SOCS5: variants seen among roughly 807,000 people sequenced by gnomAD.
SOCS5 encodes the protein CIS-6.
SOCS5 carries 32 observed loss-of-function variants against 42.8 expected under a neutral mutation model. The observed-to-expected ratio is 0.75, with a 90% CI of 0.56 to 1.01. SOCS5 has a LOEUF of 1.01. Among genes scored for constraint, SOCS5 ranks in the 50% least tolerant of loss-of-function variants. The pLI, the probability that SOCS5 is intolerant of heterozygous loss-of-function variation, is 0.00. For missense variants in SOCS5, 627 were observed against 653.0 expected, an observed-to-expected ratio of 0.96 and a Z score of 0.43; for synonymous variants, 283 against 229.6, an observed-to-expected ratio of 1.23 and a Z score of -2.10.
intron 1 of SOCS5, among the ~76,000 whole-genome samples, chr2:46,739,539 G>T (rs1313427335): frequency 6.6e-6 from 1 of 152,108 alleles, no homozygotes; most frequent in Non-Finnish European, 1.5e-5. Context: ...ACAGTTTAAT[G>T]AGTAATTATA....
chr2:46,743,772 G>A (rs911888008), intron 1 of SOCS5, among the ~76,000 whole-genome samples: 12 of 152,074 alleles, frequency 7.9e-5, no homozygotes, highest in Admixed American at 2.6e-4. Flanking sequence ...AAGGGACTGG[G>A]GGGCATCTCC....
chr2:46,716,940 T>A (rs1334314130), intron 1 of SOCS5, among the ~76,000 whole-genome samples: 1 of 152,210 alleles, frequency 6.6e-6, no homozygotes, highest in East Asian at 1.9e-4. Context: ...TTTCCCCATG[T>A]ATTCATCAAG....
chr2:46,737,237 G>T (rs1673274441), intron 1 of SOCS5, among the ~76,000 whole-genome samples: 1 of 152,134 alleles, frequency 6.6e-6, no homozygotes, highest in African/African-American at 2.4e-5. Context: ...TAGATTTTAA[G>T]AGTCTCTTAA....
At chr2:46,748,680 A>C (rs570897770) in intron 1 of SOCS5, among the ~76,000 whole-genome samples, 56 of 152,288 alleles carry the variant, frequency 3.7e-4, no homozygotes, top group African/African-American at 1.2e-3. Context: ...AGATTAGTAA[A>C]TGTATTCTAA....
rs1673889213 is a variant in SOCS5, at chr2:46,762,347, G to A, written c.*2206G>A. 6.0e-6 allele frequency: 1 copy of A among 166,694 alleles called. No homozygotes were observed. Among genetic ancestry groups the A allele is most frequent in the Admixed American group, 6.5e-5 (1 of 15,292 alleles). The allele number at this position is 166,694 out of a possible 1,614,324, so 10.3% of individuals were successfully genotyped here. A position where few individuals can be genotyped will look rare whatever the true frequency, so the allele number is the denominator to read the frequency against. On this transcript the variant is annotated 3_prime_UTR_variant, in exon 2 of 2. Coordinates refer to ENST00000394861, the MANE Select transcript of SOCS5 (RefSeq NM_144949.3). Reference sequence around the variant, plus strand: ...TGATTATTGGAAAAGGACTATATATGTGAGCAAGATTGTGTTTTAGAGAGG... The same window carrying A: ...TGATTATTGGAAAAGGACTATATATATGAGCAAGATTGTGTTTTAGAGAGG...
At chr2:46,740,208 C>T (rs143724941) in intron 1 of SOCS5, among the ~76,000 whole-genome samples, 1 of 152,244 alleles carries the variant, frequency 6.6e-6, no homozygotes, top group African/African-American at 2.4e-5. Context: ...CTTACCTTAC[C>T]TGGCCATAGG....
chr2:46,729,213 C>G (rs903926764), intron 1 of SOCS5, among the ~76,000 whole-genome samples: 3 of 152,160 alleles, frequency 2.0e-5, no homozygotes, highest in Non-Finnish European at 2.9e-5. Context: ...TAATTTTTTA[C>G]TAACATCACT....
At chr2:46,711,852 C>G (rs1007370533) in intron 1 of SOCS5, among the ~76,000 whole-genome samples, 14 of 152,154 alleles carry the variant, frequency 9.2e-5, no homozygotes, top group African/African-American at 2.9e-4. Context: ...CTTCCCTTTC[C>G]GCATTAATTG....
In SOCS5 at chr2:46,762,926, A is replaced by ACTGCCTTCCAGAG. The variant is rs1673902423; in HGVS notation, c.*2785_*2786insCTGCCTTCCAGAG. 6.0e-6 allele frequency: 1 copy of ACTGCCTTCCAGAG among 167,006 alleles called. No individual in the cohort carries two copies. The highest frequency in any genetic ancestry group is 6.5e-5 in the Admixed American group (1 of 15,270). The allele number at this position is 167,006 out of a possible 1,614,324, so 10.3% of individuals were successfully genotyped here. On this transcript the variant is annotated 3_prime_UTR_variant, in exon 2 of 2. Coordinates refer to ENST00000394861, the MANE Select transcript of SOCS5 (RefSeq NM_144949.3). Reference sequence around the variant, plus strand: ...GCATACATATAAGTGTGTATTATATATTTATGTATGCACATATATACATTT... The same window carrying ACTGCCTTCCAGAG: ...GCATACATATAAGTGTGTATTATATACTGCCTTCCAGAGTTTATGTATGCACATATATACATTT...
At chr2:46,731,066 C>G (rs1200294508) in intron 1 of SOCS5, among the ~76,000 whole-genome samples, 1 of 152,134 alleles carries the variant, frequency 6.6e-6, no homozygotes, top group African/African-American at 2.4e-5. Context: ...TAGCAAGATG[C>G]GTACCATCTG....
chr2:46,712,057 A>G (rs947712957), intron 1 of SOCS5, among the ~76,000 whole-genome samples: 2 of 152,182 alleles, frequency 1.3e-5, no homozygotes, highest in African/African-American at 4.8e-5. Flanking sequence ...TTTTTTAGGT[A>G]TTGTACATTT....
At position 46,762,175 on chromosome 2, in the gene SOCS5, T is replaced by C. The variant is rs1246436643; in HGVS notation, c.*2034T>C. ...CCCTGAAGATCATATACCAAAGTGTTTGAGAACTTCATCCAAACCTACTTT... is the reference window on the plus strand; with the variant it reads ...CCCTGAAGATCATATACCAAAGTGTCTGAGAACTTCATCCAAACCTACTTT... On this transcript the variant is annotated 3_prime_UTR_variant, in exon 2 of 2. Coordinates refer to ENST00000394861, the MANE Select transcript of SOCS5 (RefSeq NM_144949.3). 6.0e-6 allele frequency: 1 copy of C among 167,048 alleles called. No individual in the cohort carries two copies. The highest frequency in any genetic ancestry group is 2.4e-5 in the African/African-American group (1 of 41,454). The allele number at this position is 167,048 out of a possible 1,614,324, so 10.3% of individuals were successfully genotyped here.
intron 1 of SOCS5, among the ~76,000 whole-genome samples, chr2:46,730,824 T>A (rs1044555624): frequency 6.6e-6 from 1 of 152,178 alleles, no homozygotes; most frequent in African/African-American, 2.4e-5. Context: ...GGCTAGGATA[T>A]CGGATTAGTA....
chr2:46,747,518 T>C (rs1389679917), intron 1 of SOCS5, among the ~76,000 whole-genome samples: 2 of 152,140 alleles, frequency 1.3e-5, no homozygotes, highest in Non-Finnish European at 2.9e-5. Flanking sequence ...GCCCGGCTAG[T>C]CTCTTTTAAA....
chr2:46,711,872 C>G (rs1197158027), intron 1 of SOCS5, among the ~76,000 whole-genome samples: 2 of 152,162 alleles, frequency 1.3e-5, no homozygotes. Flanking sequence ...GCTTTGGCAC[C>G]TTGTTAAAGC....
intron 1 of SOCS5, among the ~76,000 whole-genome samples, chr2:46,752,434 C>T (rs1673644359): frequency 1.3e-5 from 2 of 152,146 alleles, no homozygotes; most frequent in African/African-American, 4.8e-5. Flanking sequence ...TTCTAATTCT[C>T]TACCCTTCCC....
chr2:46,725,477 A>G (rs984088593), intron 1 of SOCS5, among the ~76,000 whole-genome samples: 2 of 151,900 alleles, frequency 1.3e-5, no homozygotes, highest in Admixed American at 6.6e-5. Flanking sequence ...TTATTTAAAC[A>G]GTTTTTAGTA....
At chr2:46,758,082 G>C (rs1011170949) in intron 1 of SOCS5, among the ~76,000 whole-genome samples, 1 of 152,096 alleles carries the variant, frequency 6.6e-6, no homozygotes, top group Non-Finnish European at 1.5e-5. Flanking sequence ...ACTAATGAAA[G>C]GTTTTTGAAC....
chr2:46,756,503 G>C (rs1673734213), intron 1 of SOCS5, among the ~76,000 whole-genome samples: 1 of 152,168 alleles, frequency 6.6e-6, no homozygotes, highest in Admixed American at 6.5e-5. Context: ...TCAGGCTTTG[G>C]TTTGCTGGCC....
Sources: gnomAD v4.1 joint callset for allele counts (sites outside exome capture counted in the v4.1 genomes callset) on GRCh38, gnomAD v4.1.1 for gene constraint, MANE v1.5 for transcripts, NCBI Gene and HGNC (gene_info 2026-07-23, HGNC 2026-07-21) for gene names.